Variants in CCDC190 observed in about 807,000 individuals in gnomAD.
CCDC190 encodes the protein coiled-coil domain containing 190.
CCDC190 carries 10 observed loss-of-function variants against 13.1 expected under a neutral mutation model. The ratio of observed to expected loss-of-function variants is 0.77; its 90% confidence interval spans 0.47 to 1.30. The LOEUF is 1.30. Among genes scored for constraint, CCDC190 ranks in the 50% most tolerant of loss-of-function variants. The pLI, the probability that CCDC190 is intolerant of heterozygous loss-of-function variation, is 0.00. For synonymous variants in CCDC190, 136 were observed against 127.2 expected, an observed-to-expected ratio of 1.07 and a Z score of -0.47; for missense variants, 375 against 354.3, an observed-to-expected ratio of 1.06 and a Z score of -0.47.
intron 1 of CCDC190, among the ~76,000 whole-genome samples, chr1:162,860,734 T>G (rs1650481439): frequency 6.6e-6 from 1 of 152,098 alleles, no homozygotes; most frequent in Admixed American, 6.6e-5. Flanking sequence ...ACTTTTTATA[T>G]TTTTAGTTGA....
upstream of CCDC190, among the ~76,000 whole-genome samples, chr1:162,861,876 C>T (rs1650533091): frequency 6.6e-6 from 1 of 152,060 alleles, no homozygotes; most frequent in South Asian, 2.1e-4. Flanking sequence ...GCCTGATAAT[C>T]CCCCCAGAGT....
chr1:162,857,541 A>G (rs1042587043), intron 2 of CCDC190, among the ~76,000 whole-genome samples: 4 of 152,160 alleles, frequency 2.6e-5, no homozygotes, highest in African/African-American at 9.7e-5. Flanking sequence ...GCAAGCAGTG[A>G]TCATGTATGC....
At chr1:162,859,385 G>T in intron 2 of CCDC190, 75 bp downstream of exon 2, 1 of 1,342,508 alleles carries the variant, frequency 7.4e-7, no homozygotes, top group Non-Finnish European at 1.0e-6. Flanking sequence ...CTCTGAAAGG[G>T]CCTCAGCGGA....
chr1:162,854,790 A>G lies in CCDC190; in HGVS notation c.881T>C (p.Val294Ala), dbSNP rs1386362293. The change falls in exon 4 of 4, where the codon GTG becomes GCG. Residue 294 changes from valine (V) to alanine (A), a missense_variant. Transcript: ENST00000367912. ...SRAGKECENR[V>A]PSKFLPL ...TTAGAGAGGAAGAAACTTAGAAGGC[A>G]CCCTGTTTTCACACTCCTTTCCTGC... is the stretch of plus-strand genomic sequence containing the variant. The G allele has an allele frequency of 1.2e-6, 2 of 1,611,122 alleles. No individual in the cohort carries two copies. Among genetic ancestry groups the G allele is most frequent in the East Asian group, 2.2e-5 (1 of 44,810 alleles).
chr1:162,853,254 G>T lies in CCDC190; in HGVS notation c.*1511C>A. 1.1e-6 allele frequency: 1 copy of T among 913,774 alleles called. No homozygotes were observed. 56.6% of individuals were successfully genotyped at this position (913,774 alleles called of 1,614,324 possible). On this transcript the variant is annotated 3_prime_UTR_variant, in exon 4 of 4. Coordinates refer to ENST00000367912, the MANE Select transcript of CCDC190 (RefSeq NM_001394065.1). ...ATGAAAGAGCATGAGCAAGGAAATT[G>T]AGTAGAAGAGAGATCAAATGCTAGT...
In CCDC190 at chr1:162,853,056, C is replaced by A; in HGVS notation, c.*1709G>T. The A allele has an allele frequency of 1.4e-6, 2 of 1,447,728 alleles. No individual in the cohort carries two copies. Among genetic ancestry groups the A allele is most frequent in the Non-Finnish European group, 1.9e-6 (2 of 1,053,562 alleles). The allele number at this position is 1,447,728 out of a possible 1,614,324, so 89.7% of individuals were successfully genotyped here. ...ATCAGTTCTGTCACTTATGGCCTGC[C>A]TTCCTCTGTTGCTTTGCTTCATGGA... On this transcript the variant is annotated 3_prime_UTR_variant, in exon 4 of 4. Transcript: ENST00000367912.
intron 2 of CCDC190, among the ~76,000 whole-genome samples, chr1:162,856,420 G>T (rs757501967): frequency 3.3e-5 from 5 of 152,182 alleles, no homozygotes; most frequent in African/African-American, 1.2e-4. Flanking sequence ...TACTTGGCAA[G>T]CACAATGTTT....
intron 1 of CCDC190, 49 bp downstream of exon 1, chr1:162,860,959 C>T: frequency 4.5e-6 from 4 of 883,392 alleles, no homozygotes; most frequent in Non-Finnish European, 5.4e-6. Context: ...GTTTTAGAGT[C>T]TAAAGTATAA....
Position 162,861,122 on chromosome 1 carries a change from G to A in CCDC190, c.-127C>T, listed in dbSNP as rs1650495763. On this transcript the variant is annotated 5_prime_UTR_variant, in exon 1 of 4. Coordinates refer to ENST00000367912, the MANE Select transcript of CCDC190 (RefSeq NM_001394065.1). ...AGTAAACTTAGGAGTTTGGTGTTTG[G>A]AGAAAGGATAGAGGGAGACCATTGG... The A allele has an allele frequency of 4.9e-6, 3 of 616,944 alleles. No homozygotes were observed. Among genetic ancestry groups the A allele is most frequent in the Admixed American group, 1.3e-4 (2 of 15,826 alleles). The allele number at this position is 616,944 out of a possible 1,614,324, so 38.2% of individuals were successfully genotyped here.
In CCDC190 at chr1:162,852,998, G is replaced by T; in HGVS notation, c.*1767C>A. On this transcript the variant is annotated 3_prime_UTR_variant, in exon 4 of 4. Coordinates refer to ENST00000367912, the MANE Select transcript of CCDC190 (RefSeq NM_001394065.1). The stretch of plus-strand genomic sequence containing the variant: ...GCCTATTCATGTTGGCCCAGGCATG[G>T]CTGGTGCAAATAAATTAAGTTTTTG... 1.1e-6 allele frequency: 1 copy of T among 908,818 alleles called. No individual in the cohort carries two copies. Among genetic ancestry groups the T allele is most frequent in the Non-Finnish European group, 1.8e-6 (1 of 568,674 alleles). 56.3% of individuals were successfully genotyped at this position (908,818 alleles called of 1,614,324 possible).
At chr1:162,859,720 CT>C in intron 1 of CCDC190, 62 bp from the exon 2 acceptor site, 1 of 1,377,990 alleles carries the variant, frequency 7.3e-7, no homozygotes, top group East Asian at 2.4e-5. Context: ...CTGACCCCGG[CT>C]TTTAATCAGA....
upstream of CCDC190, among the ~76,000 whole-genome samples, chr1:162,862,760 C>T (rs969917208): frequency 2.6e-5 from 4 of 152,156 alleles, no homozygotes; most frequent in African/African-American, 9.7e-5. Context: ...TCTCCTAGCC[C>T]ATGACCTTAA....
At chr1:162,862,413 C>A (rs1650553045), upstream of CCDC190, among the ~76,000 whole-genome samples, 1 of 152,274 alleles carries the variant, frequency 6.6e-6, no homozygotes, top group African/African-American at 2.4e-5. Flanking sequence ...CCAGAGAGGA[C>A]CTGGCTCCAT....
chr1:162,859,710 C>G, intron 1 of CCDC190, 52 bp from the exon 2 acceptor site: 2 of 1,436,698 alleles, frequency 1.4e-6, no homozygotes, highest in Non-Finnish European at 1.9e-6. Flanking sequence ...GACTGGGATA[C>G]TGACCCCGGC....
Position 162,854,429 on chromosome 1 carries a change from C to A in CCDC190, c.*336G>T. 1 of 1,057,812 alleles carries A rather than the reference C, an allele frequency of 9.5e-7. No homozygotes were observed. The highest frequency in any genetic ancestry group is 1.1e-6 in the Non-Finnish European group (1 of 875,292). 65.5% of individuals were successfully genotyped at this position (1,057,812 alleles called of 1,614,324 possible). A position where few individuals can be genotyped will look rare whatever the true frequency, so the allele number is the denominator to read the frequency against. ...TATGCCGTTTTGCCAGCAGGTGGCA[C>A]CATGAGAATCTCCTAGAGGAAACAG... is the stretch of plus-strand genomic sequence containing the variant. On this transcript the variant is annotated 3_prime_UTR_variant, in exon 4 of 4. Coordinates refer to ENST00000367912, the MANE Select transcript of CCDC190 (RefSeq NM_001394065.1).
At chr1:162,855,555 A>G in intron 3 of CCDC190, 77 bp downstream of exon 3, 1 of 1,573,372 alleles carries the variant, frequency 6.4e-7, no homozygotes, top group African/African-American at 1.4e-5. Context: ...GCATTTCTTC[A>G]GGAAAACAGT....
At position 162,853,791 on chromosome 1, in the gene CCDC190, G is replaced by A. The variant is rs1003318947; in HGVS notation, c.*974C>T. On this transcript the variant is annotated 3_prime_UTR_variant, in exon 4 of 4. Coordinates refer to ENST00000367912, the MANE Select transcript of CCDC190 (RefSeq NM_001394065.1). The stretch of plus-strand genomic sequence containing the variant: ...GGCATGATTTCTTTGAGACCCACGG[G>A]GCAAGATGGTTTTCCTGATAGAGTC... Among the ~76,000 whole-genome samples, 5 of 152,138 alleles carry A rather than the reference G, an allele frequency of 3.3e-5. No homozygotes were observed. The highest frequency in any genetic ancestry group is 1.3e-4 in the Admixed American group (2 of 15,276).
At chr1:162,867,343 A>G (rs1650743403) in intron 1 of CCDC190, among the ~76,000 whole-genome samples, 1 of 152,232 alleles carries the variant, frequency 6.6e-6, no homozygotes, top group Non-Finnish European at 1.5e-5. Flanking sequence ...AAATGAATAT[A>G]CATTTAATTT....
At chr1:162,865,708 C>T (rs866595788), upstream of CCDC190, among the ~76,000 whole-genome samples, 11 of 152,072 alleles carry the variant, frequency 7.2e-5, no homozygotes, top group South Asian at 2.1e-4. Flanking sequence ...AATCATTTCA[C>T]GAGATCCAAT....
Sources: allele counts gnomAD v4.1 joint callset (sites outside exome capture counted in the v4.1 genomes callset), GRCh38; gene constraint gnomAD v4.1.1; transcripts MANE v1.5; gene names NCBI Gene and HGNC (gene_info 2026-07-23, HGNC 2026-07-21).